OPHN1: variants seen among roughly 807,000 people sequenced by gnomAD.
OPHN1 encodes the protein oligophrenin 1, also known as oligophrenin-1.
A neutral mutation model predicts 60.7 loss-of-function variants in OPHN1; 11 were observed. The observed-to-expected ratio is 0.18, with a 90% CI of 0.11 to 0.30. The LOEUF is 0.30. Ranked by LOEUF, OPHN1 falls within the 10% of genes least tolerant of loss-of-function variation. OPHN1 has a pLI of 1.00. For missense variants in OPHN1, 449 were observed against 611.0 expected, an observed-to-expected ratio of 0.73 and a Z score of 2.80; for synonymous variants, 226 against 222.6, an observed-to-expected ratio of 1.02 and a Z score of -0.14.
chrX:68,254,142 T>TG (rs1374916308), intron 5 of OPHN1, among the ~76,000 whole-genome samples: 1 of 111,459 alleles, frequency 9.0e-6, no homozygotes, highest in African/African-American at 3.3e-5. Context: ...ACCTGCTCAC[T>TG]GTGGAACAGT....
chrX:68,370,136 G>A (rs947498660), intron 2 of OPHN1, among the ~76,000 whole-genome samples: 3 of 104,046 alleles, frequency 2.9e-5, no homozygotes, highest in Non-Finnish European at 3.9e-5. Flanking sequence ...AAAGGCTGCA[G>A]GAGTTCATTA....
At chrX:68,371,374 C>A (rs77297001) in intron 2 of OPHN1, among the ~76,000 whole-genome samples, 17,914 of 109,122 alleles carry the variant, frequency 0.16, 1,560 homozygotes, top group African/African-American at 0.33. Context: ...TGAGCCACCA[C>A]ACCAGGCTAA....
Position 68,061,757 on chromosome X carries a change from A to C in OPHN1, c.2158+2097T>G, listed in dbSNP as rs991140941. Among the ~76,000 whole-genome samples the C allele has an allele frequency of 6.3e-5, 7 of 111,924 alleles. No homozygotes were observed. The Admixed American group carries it at 6.6e-4, about 11-fold the overall frequency. On this transcript the variant is annotated intron_variant, in intron 21 of 24. Transcript: ENST00000355520. Reference sequence around the variant, plus strand: ...GCTTACATAAATTAACTGTGATCGCATGAGTGATCACATCAGCATCAGTGG... The same window carrying C: ...GCTTACATAAATTAACTGTGATCGCCTGAGTGATCACATCAGCATCAGTGG...
intron 2 of OPHN1, among the ~76,000 whole-genome samples, chrX:68,369,044 T>C (rs2078513648): frequency 9.0e-6 from 1 of 110,738 alleles, no homozygotes; most frequent in Admixed American, 9.7e-5. Context: ...CCATCTCTAC[T>C]AAAAATACAA....
At chrX:68,294,863 G>A (rs1394381454) in intron 3 of OPHN1, among the ~76,000 whole-genome samples, 1 of 111,681 alleles carries the variant, frequency 9.0e-6, no homozygotes, top group East Asian at 2.8e-4. Flanking sequence ...TGCTATTTGG[G>A]AGCACTCTAA....
rs182888720 is a variant in OPHN1, at chrX:68,157,735, A to T, written c.1276+35184T>A. On this transcript the variant is annotated intron_variant, in intron 15 of 24. Transcript: ENST00000355520. ...AATAAATAACAAAATAAAATAAAAT[A>T]AAAAGTCTACTTTGTGCATGGCACT... Among the ~76,000 whole-genome samples, 6 of 92,861 alleles carry T rather than the reference A, an allele frequency of 6.5e-5. No homozygotes were observed. In the East Asian group the frequency reaches 2.0e-3, roughly 30 times the overall value. 80.6% of individuals were successfully genotyped at this position (92,861 alleles called of 115,157 possible).
At chrX:68,360,220 C>T (rs1010032426) in intron 2 of OPHN1, among the ~76,000 whole-genome samples, 2 of 110,554 alleles carry the variant, frequency 1.8e-5, no homozygotes, top group African/African-American at 6.6e-5. Context: ...ACTCTGTCTC[C>T]CAAGTTGAAG....
chrX:68,352,433 G>A (rs1174639802), intron 2 of OPHN1, among the ~76,000 whole-genome samples: 1 of 108,972 alleles, frequency 9.2e-6, no homozygotes, highest in Non-Finnish European at 1.9e-5. Context: ...CAGCCGGACA[G>A]TGCTTTGATC....
chrX:68,201,575 T>A (rs1289105980), intron 11 of OPHN1, 44 bp downstream of exon 11: 2 of 1,054,874 alleles, frequency 1.9e-6, no homozygotes, highest in African/African-American at 3.7e-5. Context: ...AGGCTAAGCA[T>A]CTGGCACGTG....
chrX:68,397,026 C>T (rs1364110039), intron 2 of OPHN1, among the ~76,000 whole-genome samples: 3 of 110,495 alleles, frequency 2.7e-5, no homozygotes, highest in African/African-American at 9.9e-5. Context: ...GGGTGGCTAG[C>T]GAAAACTGCC....
At chrX:68,068,840 C>T (rs1261951861) in intron 20 of OPHN1, among the ~76,000 whole-genome samples, 1 of 111,866 alleles carries the variant, frequency 8.9e-6, no homozygotes, top group Non-Finnish European at 1.9e-5. Context: ...AAAATGTCCA[C>T]ATATTCTATA....
intron 11 of OPHN1, among the ~76,000 whole-genome samples, chrX:68,199,401 C>A (rs766116512): frequency 9.0e-6 from 1 of 111,649 alleles, no homozygotes; most frequent in Non-Finnish European, 1.9e-5. Context: ...ACTCAGGAGG[C>A]TCACGCAAGA....
intron 2 of OPHN1, among the ~76,000 whole-genome samples, chrX:68,373,460 C>G (rs1447086341): frequency 3.6e-5 from 4 of 111,375 alleles, no homozygotes; most frequent in Admixed American, 9.6e-5. Context: ...TGGCTACACA[C>G]TCTTGCCTTT....
intron 5 of OPHN1, among the ~76,000 whole-genome samples, chrX:68,254,879 G>T (rs189970704): frequency 7.3e-5 from 8 of 109,528 alleles, no homozygotes; most frequent in Admixed American, 3.9e-4. Flanking sequence ...TTAGCCAGGC[G>T]TGGTGGCATG....
At chrX:68,124,586 G>A (rs1785568727) in intron 15 of OPHN1, among the ~76,000 whole-genome samples, 1 of 111,275 alleles carries the variant, frequency 9.0e-6, no homozygotes, top group Admixed American at 9.6e-5. Context: ...TCATCCAATG[G>A]CTACAGAATA....
At chrX:68,215,516 T>C (rs1232432515) in intron 6 of OPHN1, among the ~76,000 whole-genome samples, 1 of 111,225 alleles carries the variant, frequency 9.0e-6, no homozygotes, top group African/African-American at 3.3e-5. Flanking sequence ...TAATAAATAC[T>C]AATAAATACC....
chrX:68,287,096 AAAAG>A (rs1456187770), intron 3 of OPHN1, among the ~76,000 whole-genome samples: 1 of 102,341 alleles, frequency 9.8e-6, no homozygotes, highest in African/African-American at 3.6e-5. Flanking sequence ...AGGAGAAAGA[AAAAG>A]AAAGGAAGAA....
intron 15 of OPHN1, chrX:68,133,510 G>T: frequency 2.1e-6 from 1 of 469,789 alleles, no homozygotes; most frequent in South Asian, 2.4e-5. Context: ...TTTTGCAACT[G>T]GTTTGACAAC....
chrX:68,070,641 G>A (rs2076930074), intron 20 of OPHN1: 4 of 760,768 alleles, frequency 5.3e-6, no homozygotes, highest in Non-Finnish European at 8.3e-6. Context: ...GGCACAGCAA[G>A]TGGCAGTGTT....
Sources: gnomAD v4.1 joint callset for allele counts (sites outside exome capture counted in the v4.1 genomes callset) on GRCh38, gnomAD v4.1.1 for gene constraint, MANE v1.5 for transcripts, NCBI Gene and HGNC (gene_info 2026-07-23, HGNC 2026-07-21) for gene names.